The following SCFD2 variants were observed in gnomAD, a reference collection of about 807,000 sequenced individuals.
The protein encoded by SCFD2 is sec1 family domain containing 2.
Under a neutral mutation model 58.9 loss-of-function variants are expected in SCFD2, and 54 were observed. The ratio of observed to expected loss-of-function variants is 0.92; its 90% CI spans 0.74 to 1.15. SCFD2 has a LOEUF of 1.15. Ranked by LOEUF, SCFD2 falls within the 50% of genes most tolerant of loss-of-function variation. The pLI is 0.00. For missense variants in SCFD2, 805 were observed against 836.6 expected (o/e 0.96, Z 0.47); for synonymous variants, 321 against 335.9 (o/e 0.96, Z 0.49).
intron 4 of SCFD2, among the ~76,000 whole-genome samples, chr4:53,159,791 TGACAGCTGGCTGGGGCCTAC>T (rs1317354785): frequency 1.3e-5 from 2 of 152,318 alleles, no homozygotes; most frequent in African/African-American, 2.4e-5. Context: ...GAAGCCCTAG[TGACAGCTGGCTGGGGCCTAC>T]GACAGCTAGT....
intron 5 of SCFD2, among the ~76,000 whole-genome samples, chr4:52,960,226 C>A (rs989421338): frequency 2.0e-5 from 3 of 152,098 alleles, no homozygotes; most frequent in Non-Finnish European, 2.9e-5. Context: ...ATTTTACTGC[C>A]CAACAGGTAA....
chr4:53,033,843 T>A (rs1186129734), intron 5 of SCFD2, among the ~76,000 whole-genome samples: 1 of 151,954 alleles, frequency 6.6e-6, no homozygotes, highest in African/African-American at 2.4e-5. Flanking sequence ...CCAAAAAAAG[T>A]CCAGGACCAG....
intron 5 of SCFD2, among the ~76,000 whole-genome samples, chr4:53,113,305 T>C (rs1725224729): frequency 6.6e-6 from 1 of 152,054 alleles, no homozygotes; most frequent in Admixed American, 6.6e-5. Context: ...CTTTGGCCAA[T>C]GAAATATGAG....
At chr4:53,160,632 G>C (rs2148926677) in intron 4 of SCFD2, among the ~76,000 whole-genome samples, 1 of 152,040 alleles carries the variant, frequency 6.6e-6, no homozygotes, top group Non-Finnish European at 1.5e-5. Context: ...TCTAAGCCCA[G>C]GACAAAAAAA....
chr4:53,247,634 T>C (rs1032166156), intron 4 of SCFD2, among the ~76,000 whole-genome samples: 1 of 143,050 alleles, frequency 7.0e-6, no homozygotes, highest in African/African-American at 2.6e-5. Flanking sequence ...CCGAGGCGGG[T>C]GGATCATGAG....
intron 5 of SCFD2, chr4:52,957,228 A>G (rs2109536815): frequency 6.6e-6 from 1 of 152,324 alleles, no homozygotes; most frequent in Non-Finnish European, 1.5e-5. Flanking sequence ...CTGTTCTGCC[A>G]GACAGTCTAC....
intron 5 of SCFD2, among the ~76,000 whole-genome samples, chr4:52,999,081 A>G (rs750912700): frequency 6.6e-6 from 1 of 152,232 alleles, no homozygotes; most frequent in Admixed American, 6.5e-5. Context: ...TGACTTTTAA[A>G]GAATTGAATG....
chr4:53,139,741 C>G (rs535560413), intron 5 of SCFD2, among the ~76,000 whole-genome samples: 1 of 152,064 alleles, frequency 6.6e-6, no homozygotes, highest in Non-Finnish European at 1.5e-5. Context: ...GCCATGATGA[C>G]GATGGTGGTT....
intron 4 of SCFD2, among the ~76,000 whole-genome samples, chr4:53,170,458 A>G (rs1727147524): frequency 1.3e-5 from 2 of 152,204 alleles, no homozygotes; most frequent in Non-Finnish European, 2.9e-5. Flanking sequence ...GTTTGAAAGC[A>G]AGTAGTGCAG....
intron 8 of SCFD2, among the ~76,000 whole-genome samples, chr4:52,875,265 A>T (rs1248131477): frequency 3.4e-4 from 51 of 152,072 alleles, no homozygotes; most frequent in Admixed American, 3.3e-3. Context: ...TGCTTCCCTC[A>T]GTCTGGATTT....
chr4:52,899,249 A>G (rs61511834), intron 7 of SCFD2, among the ~76,000 whole-genome samples: 5,601 of 152,152 alleles, frequency 0.037, 349 homozygotes, highest in African/African-American at 0.13. Flanking sequence ...TAGCCTCGAT[A>G]GTCTTTACAA....
chr4:53,153,694 C>T (rs1363749470), intron 4 of SCFD2, among the ~76,000 whole-genome samples: 1 of 152,208 alleles, frequency 6.6e-6, no homozygotes, highest in Non-Finnish European at 1.5e-5. Context: ...CCTGAAAATG[C>T]TCTTTCCATC....
At chr4:53,091,757 C>T (rs1337270711) in intron 5 of SCFD2, among the ~76,000 whole-genome samples, 1 of 152,004 alleles carries the variant, frequency 6.6e-6, no homozygotes, top group Non-Finnish European at 1.5e-5. Flanking sequence ...GAGAGATGCA[C>T]TCTGAAAAAT....
chr4:53,315,908 T>C (rs560110597), intron 2 of SCFD2, among the ~76,000 whole-genome samples: 2 of 152,314 alleles, frequency 1.3e-5, no homozygotes, highest in South Asian at 2.1e-4. Context: ...TAGTGGTTTA[T>C]GGACTCCGCA....
At chr4:53,194,337 G>T (rs1727996235) in intron 4 of SCFD2, among the ~76,000 whole-genome samples, 1 of 151,410 alleles carries the variant, frequency 6.6e-6, no homozygotes. Flanking sequence ...TCTTTCTTTT[G>T]GTCAATGCTT....
In SCFD2 at chr4:53,079,572, C is replaced by T. The variant is rs532885489; in HGVS notation, c.1561+65761G>A. Among the ~76,000 whole-genome samples the T allele has an allele frequency of 8.5e-5, 13 of 152,256 alleles. No individual in the cohort carries two copies. The South Asian group carries it at 2.7e-3, about 32-fold the overall frequency. Reference sequence around the variant, plus strand: ...ATATTCTGCAATTACTCTATGTGTGCTATCACTGGCTACAATGTGTAGGCA... The same window carrying T: ...ATATTCTGCAATTACTCTATGTGTGTTATCACTGGCTACAATGTGTAGGCA... On this transcript the variant is annotated intron_variant, in intron 5 of 8. Transcript: ENST00000401642.
intron 2 of SCFD2, among the ~76,000 whole-genome samples, chr4:53,351,173 G>T (rs1215017876): frequency 1.3e-5 from 2 of 152,244 alleles, no homozygotes; most frequent in Admixed American, 6.5e-5. Flanking sequence ...ATGCTTGGAA[G>T]TGTATCTAGC....
rs148371296 is a variant in SCFD2 at position 52,926,014 on chromosome 4, T to C, written c.1562-5144A>G. On this transcript the variant is annotated intron_variant, in intron 5 of 8. Transcript: ENST00000401642. ...TCTCCATTTACTGAAGCCCCTTTCC[T>C]TCAGCAGAGTGAGAGGAATGGTTTC... 4.7e-4 allele frequency among the ~76,000 whole-genome samples: 72 copies of C among 152,230 alleles called. 1 individual carries two copies. Among genetic ancestry groups the C allele is most frequent in the African/African-American group, 1.5e-3 (64 of 41,546 alleles).
At chr4:52,918,465 C>G (rs181140569) in intron 6 of SCFD2, among the ~76,000 whole-genome samples, 11 of 152,216 alleles carry the variant, frequency 7.2e-5, no homozygotes, top group Admixed American at 3.3e-4. Context: ...AGGCTTACAT[C>G]TGTAATTTAA....
Sources: allele counts gnomAD v4.1 joint callset (sites outside exome capture counted in the v4.1 genomes callset), GRCh38; gene constraint gnomAD v4.1.1; transcripts MANE v1.5; gene names NCBI Gene and HGNC (gene_info 2026-07-23, HGNC 2026-07-21).